The following C3orf52 variants were observed in gnomAD, a reference collection of about 807,000 sequenced individuals.
The protein encoded by C3orf52 is chromosome 3 open reading frame 52.
Under a neutral mutation model 24.8 loss-of-function variants are expected in C3orf52, and 22 were observed. That is an observed-to-expected ratio of 0.89 (90% CI 0.63 to 1.27). C3orf52 has a LOEUF of 1.27. Among genes scored for constraint, C3orf52 ranks in the 50% most tolerant of loss-of-function variants. The pLI is 0.00. For synonymous variants in C3orf52, 93 were observed against 100.2 expected, an observed-to-expected ratio of 0.93 and a Z score of 0.43; for missense variants, 265 against 260.7, an observed-to-expected ratio of 1.02 and a Z score of -0.11.
At chr3:112,105,310 A>G (rs1298595370) in intron 3 of C3orf52, among the ~76,000 whole-genome samples, 1 of 152,250 alleles carries the variant, frequency 6.6e-6, no homozygotes, top group Non-Finnish European at 1.5e-5. Flanking sequence ...AAAGTAAGGC[A>G]TAGTGAGGTG....
Position 112,117,128 on chromosome 3 carries a change from G to A in C3orf52, c.*482G>A. 1 of 571,022 alleles carries A rather than the reference G, an allele frequency of 1.8e-6. No homozygotes were observed. The highest frequency in any genetic ancestry group is 2.8e-5 in the East Asian group (1 of 35,872). 35.4% of individuals were successfully genotyped at this position (571,022 alleles called of 1,614,324 possible). A position where few individuals can be genotyped will look rare whatever the true frequency, so the allele number is the denominator to read the frequency against. ...GATCGCGTAAGCATGAGCTGGTAGAGCACGGAGAGGCAGGCAGCCAGGTTA... is the reference window on the plus strand; with the variant it reads ...GATCGCGTAAGCATGAGCTGGTAGAACACGGAGAGGCAGGCAGCCAGGTTA... On this transcript the variant is annotated 3_prime_UTR_variant, in exon 6 of 6. Coordinates refer to ENST00000264848, the MANE Select transcript of C3orf52 (RefSeq NM_024616.3).
At chr3:112,115,929 G>A (rs1478455277) in intron 5 of C3orf52, among the ~76,000 whole-genome samples, 1 of 152,122 alleles carries the variant, frequency 6.6e-6, no homozygotes, top group Admixed American at 6.5e-5. Flanking sequence ...TCCTAGATGA[G>A]TGGGGCCCTG....
chr3:112,133,295 G>C, downstream of C3orf52: 1 of 671,440 alleles, frequency 1.5e-6, no homozygotes, highest in Non-Finnish European at 2.6e-6. Context: ...GCTGGGGGAG[G>C]AGTGTTAGAG....
chr3:112,125,465 G>A (rs113517749), intron 4 of C3orf52, among the ~76,000 whole-genome samples: 3 of 152,156 alleles, frequency 2.0e-5, no homozygotes, highest in Non-Finnish European at 4.4e-5. Flanking sequence ...GAGGTGAGAG[G>A]GGGGAGACAC....
At chr3:112,133,058 C>G (rs762953106), downstream of C3orf52, 31 of 1,606,946 alleles carry the variant, frequency 1.9e-5, no homozygotes, top group Non-Finnish European at 2.6e-5. Context: ...CCTGTCCCAT[C>G]TCCTCTGCTC....
intron 1 of C3orf52, among the ~76,000 whole-genome samples, chr3:112,087,756 A>T (rs2073842932): frequency 6.6e-6 from 1 of 151,920 alleles, no homozygotes; most frequent in African/African-American, 2.4e-5. Context: ...AACTGGCTGT[A>T]TGAGTCCTCC....
downstream of C3orf52, chr3:112,130,522 C>T: frequency 6.2e-7 from 1 of 1,613,026 alleles, no homozygotes; most frequent in Non-Finnish European, 8.5e-7. Context: ...GCCTGAAACT[C>T]AACATATCAG....
Position 112,117,240 on chromosome 3 carries a change from A to G in C3orf52, c.*594A>G. 1 of 486,858 alleles carries G rather than the reference A, an allele frequency of 2.1e-6. No individual in the cohort carries two copies. Among genetic ancestry groups the G allele is most frequent in the Non-Finnish European group, 3.6e-6 (1 of 274,206 alleles). 30.2% of individuals were successfully genotyped at this position (486,858 alleles called of 1,614,324 possible). A position where few individuals can be genotyped will look rare whatever the true frequency, so the allele number is the denominator to read the frequency against. ...TACCTCTAAGCCAGGCTGTGAAGAA[A>G]AGGAAGGCACTTTAGAAGACCTCAG... On this transcript the variant is annotated 3_prime_UTR_variant, in exon 6 of 6. Transcript: ENST00000264848.
chr3:112,130,815 C>T (rs16859274), downstream of C3orf52: 226 of 400,518 alleles, frequency 5.6e-4, no homozygotes, highest in Admixed American at 1.5e-3. Context: ...TGAGAGTATC[C>T]GTGTCCAGAG....
chr3:112,125,950 A>G (rs981877453), intron 4 of C3orf52, among the ~76,000 whole-genome samples: 4 of 152,234 alleles, frequency 2.6e-5, no homozygotes, highest in Non-Finnish European at 4.4e-5. Flanking sequence ...CACCAATTCC[A>G]TAAACAAACA....
chr3:112,119,678 C>G, downstream of C3orf52: 1 of 589,982 alleles, frequency 1.7e-6, no homozygotes, highest in East Asian at 2.9e-5. Flanking sequence ...TCCTCCTTCT[C>G]CTCTCCCATC....
intron 2 of C3orf52, among the ~76,000 whole-genome samples, chr3:112,101,110 C>T (rs574280763): frequency 6.7e-4 from 102 of 152,106 alleles, no homozygotes; most frequent in African/African-American, 2.0e-3. Flanking sequence ...CAATTAAGGA[C>T]GCAGGGATAA....
At chr3:112,111,669 C>G (rs2074084370) in intron 4 of C3orf52, 1 of 152,190 alleles carries the variant, frequency 6.6e-6, no homozygotes, top group South Asian at 2.1e-4. Flanking sequence ...ATTAGCCAGC[C>G]CAAGTCCTTG....
intron 2 of C3orf52, among the ~76,000 whole-genome samples, chr3:112,100,384 A>G (rs2107780218): frequency 6.6e-6 from 1 of 152,388 alleles, no homozygotes; most frequent in Non-Finnish European, 1.5e-5. Context: ...ACGAATAAGT[A>G]TAGCCCAGAT....
intron 4 of C3orf52, among the ~76,000 whole-genome samples, chr3:112,126,474 C>T (rs981405838): frequency 6.6e-6 from 1 of 152,160 alleles, no homozygotes; most frequent in African/African-American, 2.4e-5. Flanking sequence ...GCACCAGCCT[C>T]GTAAGTGTTC....
At chr3:112,109,679 C>T (rs1339043238) in intron 4 of C3orf52, 66 bp downstream of exon 4, 7 of 939,988 alleles carry the variant, frequency 7.4e-6, no homozygotes, top group East Asian at 2.6e-5. Flanking sequence ...CCCCACCCTT[C>T]GTCATTTACC....
At chr3:112,122,081 T>A (rs2074212162), downstream of C3orf52, 2 of 152,262 alleles carry the variant, frequency 1.3e-5, no homozygotes, top group South Asian at 4.1e-4. Flanking sequence ...TAGAATTTGC[T>A]AAATTGCCTT....
chr3:112,110,799 C>T (rs2074072763), intron 4 of C3orf52, among the ~76,000 whole-genome samples: 2 of 152,162 alleles, frequency 1.3e-5, no homozygotes, highest in Non-Finnish European at 2.9e-5. Context: ...CTAATATTAG[C>T]AGACCTGGGA....
At chr3:112,088,619 A>G (rs942666770) in intron 1 of C3orf52, among the ~76,000 whole-genome samples, 1 of 152,130 alleles carries the variant, frequency 6.6e-6, no homozygotes, top group South Asian at 2.1e-4. Flanking sequence ...GCTTGAACGT[A>G]TGTTTTTTAG....
Sources: gnomAD v4.1 joint callset for allele counts (sites outside exome capture counted in the v4.1 genomes callset) on GRCh38, gnomAD v4.1.1 for gene constraint, MANE v1.5 for transcripts, NCBI Gene and HGNC (gene_info 2026-07-23, HGNC 2026-07-21) for gene names.